Variants in RGS3 observed in about 807,000 individuals in gnomAD.
The protein encoded by RGS3 is regulator of G protein signaling 3.
A neutral mutation model predicts 132.6 loss-of-function variants in RGS3; 80 were observed. That is an observed-to-expected ratio of 0.60 (90% CI 0.50 to 0.73). The LOEUF is 0.73. Ranked by LOEUF, RGS3 falls within the 30% of genes least tolerant of loss-of-function variation. RGS3 has a pLI of 0.00. For missense variants in RGS3, 1,382 were observed against 1,530.8 expected, an observed-to-expected ratio of 0.90 and a Z score of 1.62; for synonymous variants, 598 against 620.6, an observed-to-expected ratio of 0.96 and a Z score of 0.54.
chr9:113,508,462 G>C, intron 13 of RGS3, 79 bp from the exon 12 acceptor site: 1 of 1,547,820 alleles, frequency 6.5e-7, no homozygotes, highest in East Asian at 2.3e-5. Context: ...CTCCCCTGGG[G>C]CCCCCGTGTC....
In RGS3 at chr9:113,477,573, C is replaced by T. The variant is rs148436299; in HGVS notation, c.416-1918C>T. ...CTAGTTTCAAGAGGCATGTCCAGAG[C>T]TGGCCAGATGGGATGATGAGGGGAT... On this transcript the variant is annotated intron_variant, in intron 3 of 24. Transcript: ENST00000350696. 1.1e-3 allele frequency among the ~76,000 whole-genome samples: 163 copies of T among 152,198 alleles called. 1 individual carries two copies. Among genetic ancestry groups the T allele is most frequent in the South Asian group, 2.3e-3 (11 of 4,818 alleles).
chr9:113,463,823 C>A lies in RGS3; in HGVS notation c.415+1622C>A. The A allele has an allele frequency of 6.2e-7, 1 of 1,612,850 alleles. No homozygotes were observed. Among genetic ancestry groups the A allele is most frequent in the Non-Finnish European group, 8.5e-7 (1 of 1,179,752 alleles). On this transcript the variant is annotated intron_variant, in intron 3 of 24. Transcript: ENST00000350696. The surrounding 1 kb of genome is among the most constrained non-coding windows in gnomAD (Gnocchi z 4.6). The stretch of plus-strand genomic sequence containing the variant: ...ACGCCATGGAGCGCTCCCTGCACCG[C>A]GTCTCCCTCGGGAGCCGGCGTGCCC...
intron 7 of RGS3, among the ~76,000 whole-genome samples, chr9:113,491,282 T>C (rs1160171772): frequency 1.3e-5 from 2 of 150,762 alleles, no homozygotes; most frequent in Non-Finnish European, 3.0e-5. Context: ...TTTTTTTTCT[T>C]TTTTTTTGAG....
rs766186790 is a variant in RGS3 at position 113,483,139 on chromosome 9, G to A, written c.525+22G>A. ...GAAGGTATGTGGTGGGGCCGGAGATGGAGAGTGGGATATTGAGGGGCCATG... is the reference window on the plus strand; with the variant it reads ...GAAGGTATGTGGTGGGGCCGGAGATAGAGAGTGGGATATTGAGGGGCCATG... On this transcript the variant is annotated intron_variant, in intron 5 of 24. Coordinates refer to ENST00000350696, the Ensembl canonical transcript of RGS3. 5 of 1,540,942 alleles carry A rather than the reference G, an allele frequency of 3.2e-6. No individual in the cohort carries two copies. In the East Asian group the frequency reaches 1.1e-4, roughly 35 times the overall value.
chr9:113,451,567 C>G (rs934573475), intron 1 of RGS3, among the ~76,000 whole-genome samples: 6 of 152,134 alleles, frequency 3.9e-5, no homozygotes, highest in African/African-American at 1.4e-4. Flanking sequence ...CATCCATATT[C>G]CCACATGATT....
intron 14 of RGS3, among the ~76,000 whole-genome samples, chr9:113,512,889 C>T (rs559345654): frequency 7.2e-5 from 11 of 152,254 alleles, no homozygotes; most frequent in Admixed American, 2.6e-4. Context: ...GCCTACTAGA[C>T]GGAATGTAAC....
intron 5 of RGS3, among the ~76,000 whole-genome samples, chr9:113,483,329 C>T (rs756051662): frequency 3.3e-5 from 5 of 152,182 alleles, no homozygotes; most frequent in African/African-American, 1.2e-4. Context: ...CTGCAACAGC[C>T]AAAATCTTAA....
At chr9:113,460,514 C>T (rs1029316357) in intron 1 of RGS3, among the ~76,000 whole-genome samples, 2 of 151,580 alleles carry the variant, frequency 1.3e-5, no homozygotes, top group African/African-American at 4.9e-5. Flanking sequence ...GAGTGAGACT[C>T]CGTCTCCAAA....
At chr9:113,509,842 G>A (rs1029290417) in intron 14 of RGS3, among the ~76,000 whole-genome samples, 4 of 152,146 alleles carry the variant, frequency 2.6e-5, no homozygotes, top group African/African-American at 9.7e-5. Flanking sequence ...CTTTCTCTCC[G>A]GTCTGGGGCA....
intron 19 of RGS3, among the ~76,000 whole-genome samples, chr9:113,552,739 A>G (rs1012396144): frequency 1.3e-5 from 2 of 152,214 alleles, no homozygotes; most frequent in African/African-American, 4.8e-5. Flanking sequence ...AAATCTATAC[A>G]ATACGGTCTT....
chr9:113,569,711 T>C (rs1238295187), intron 19 of RGS3, among the ~76,000 whole-genome samples: 1 of 151,690 alleles, frequency 6.6e-6, no homozygotes, highest in African/African-American at 2.4e-5. Flanking sequence ...GTGGCATAGA[T>C]CTAAAAGGCC....
At chr9:113,533,940 G>A (rs1179225770) in intron 18 of RGS3, among the ~76,000 whole-genome samples, 1 of 152,196 alleles carries the variant, frequency 6.6e-6, no homozygotes, top group Non-Finnish European at 1.5e-5. Context: ...AGAAGCTCCA[G>A]GAGTGCCTCA....
intron 24 of RGS3, among the ~76,000 whole-genome samples, chr9:113,596,226 C>G (rs539258669): frequency 5.9e-5 from 9 of 152,220 alleles, no homozygotes; most frequent in Admixed American, 3.3e-4. Flanking sequence ...CCCAGCTACT[C>G]GGGAGGCTGA....
chr9:113,570,188 T>C (rs1178722694), intron 19 of RGS3: 1 of 152,186 alleles, frequency 6.6e-6, no homozygotes, highest in Admixed American at 6.5e-5. Flanking sequence ...CACTTAGACA[T>C]GTTTCATGTG....
At chr9:113,447,338 T>TATATATATATATATATATAA (rs1554751026) in intron 1 of RGS3, among the ~76,000 whole-genome samples, 1 of 84,252 alleles carries the variant, frequency 1.2e-5, no homozygotes, top group Non-Finnish European at 2.5e-5. Flanking sequence ...TGTATATATA[T>TATATATATATATATATATAA]ATATATATAT....
At chr9:113,486,488 G>A (rs954153436) in intron 7 of RGS3, among the ~76,000 whole-genome samples, 6 of 152,208 alleles carry the variant, frequency 3.9e-5, no homozygotes, top group African/African-American at 1.2e-4. Context: ...CATTAGTGAC[G>A]GCAGTTAGAG....
intron 1 of RGS3, among the ~76,000 whole-genome samples, chr9:113,450,100 C>T (rs190321348): frequency 1.1e-4 from 17 of 149,164 alleles, no homozygotes; most frequent in South Asian, 2.1e-4. Flanking sequence ...GACAGAGTCT[C>T]GCTCTGTTGC....
At chr9:113,577,561 T>C (rs560536779) in intron 19 of RGS3, among the ~76,000 whole-genome samples, 39 of 152,192 alleles carry the variant, frequency 2.6e-4, no homozygotes, top group African/African-American at 8.9e-4. Flanking sequence ...ACACATTCAG[T>C]GTAGGGCTTG....
At chr9:113,571,711 A>C (rs1434768109) in intron 19 of RGS3, among the ~76,000 whole-genome samples, 1 of 152,236 alleles carries the variant, frequency 6.6e-6, no homozygotes, top group Non-Finnish European at 1.5e-5. Flanking sequence ...ACAAGTTCTT[A>C]ATTTTAATGC....
Sources: allele counts gnomAD v4.1 joint callset (sites outside exome capture counted in the v4.1 genomes callset), GRCh38; gene constraint gnomAD v4.1.1; non-coding constraint Gnocchi (gnomAD v3.1); transcripts MANE v1.5; gene names NCBI Gene and HGNC (gene_info 2026-07-23, HGNC 2026-07-21).